KLHL20: variants seen among roughly 807,000 people sequenced by gnomAD.
KLHL20 encodes the protein kelch-like protein 20.
Under a neutral mutation model 69.5 loss-of-function variants are expected in KLHL20, and 29 were observed. The observed-to-expected ratio is 0.42, with a 90% CI of 0.31 to 0.57. The LOEUF (loss-of-function observed/expected upper bound fraction) is 0.57, where lower values mean the gene tolerates loss of function less well. Among genes scored for constraint, KLHL20 ranks in the 20% least tolerant of loss-of-function variants. KLHL20 has a pLI of 0.18. For synonymous variants in KLHL20, 253 were observed against 265.2 expected (o/e 0.95, Z 0.45); for missense variants, 419 against 776.0 (o/e 0.54, Z 5.47).
chr1:173,723,339 A>G (rs900664955), intron 2 of KLHL20, among the ~76,000 whole-genome samples: 4 of 152,228 alleles, frequency 2.6e-5, no homozygotes, highest in African/African-American at 9.6e-5. Flanking sequence ...TTAACTGCTC[A>G]GCTTTATGTT....
At chr1:173,719,246 G>C (rs1671609682) in intron 2 of KLHL20, among the ~76,000 whole-genome samples, 1 of 152,016 alleles carries the variant, frequency 6.6e-6, no homozygotes, top group African/African-American at 2.4e-5. Context: ...TATTTCAACT[G>C]TTTTGCTGTT....
At chr1:173,731,028 A>G (rs1672249095) in intron 2 of KLHL20, among the ~76,000 whole-genome samples, 1 of 151,892 alleles carries the variant, frequency 6.6e-6, no homozygotes, top group South Asian at 2.1e-4. Context: ...TTACAAGAAA[A>G]AAACAACCCC....
chr1:173,777,426 A>AC (rs1171569359), intron 10 of KLHL20, among the ~76,000 whole-genome samples: 10 of 152,082 alleles, frequency 6.6e-5, no homozygotes, highest in African/African-American at 2.4e-4. Context: ...CCATTGCTCT[A>AC]CCTAGGACTT....
intron 8 of KLHL20, among the ~76,000 whole-genome samples, chr1:173,767,402 T>C (rs1384887582): frequency 6.6e-6 from 1 of 152,198 alleles, no homozygotes; most frequent in Admixed American, 6.5e-5. Context: ...GAATATATAC[T>C]TAGTAGTGGG....
chr1:173,753,434 G>C, intron 5 of KLHL20, 127 bp downstream of exon 5: 1 of 685,062 alleles, frequency 1.5e-6, no homozygotes, highest in Non-Finnish European at 2.5e-6. Context: ...AATTTAACAA[G>C]GTTTTCTTCT....
rs1046585238 is a variant in KLHL20 at position 173,785,891 on chromosome 1, G to A, written c.*644G>A. 6.6e-5 allele frequency: 10 copies of A among 152,136 alleles called. No individual in the cohort carries two copies. Among genetic ancestry groups the A allele is most frequent in the African/African-American group, 2.2e-4 (9 of 41,508 alleles). The allele number at this position is 152,136 out of a possible 1,614,324, so 9.4% of individuals were successfully genotyped here. A position where few individuals can be genotyped will look rare whatever the true frequency, so the allele number is the denominator to read the frequency against. On this transcript the variant is annotated 3_prime_UTR_variant, in exon 12 of 12. Transcript: ENST00000209884. ...TTTTATGTCTTGTTTCTTTCTATAT[G>A]AACTTGTTTATTTAGTCTTTTTTTC...
intron 3 of KLHL20, among the ~76,000 whole-genome samples, chr1:173,746,193 A>G (rs1473706541): frequency 6.6e-6 from 1 of 152,210 alleles, no homozygotes; most frequent in Non-Finnish European, 1.5e-5. Context: ...TCTATTCGCT[A>G]ATATTCAGTA....
intron 10 of KLHL20, 42 bp downstream of exon 10, chr1:173,775,884 T>G: frequency 6.5e-7 from 1 of 1,547,742 alleles, no homozygotes; most frequent in Non-Finnish European, 8.9e-7. Context: ...AAATCTTGGC[T>G]ATTAATAGTG....
chr1:173,765,666 A>G (rs889095723), intron 7 of KLHL20, among the ~76,000 whole-genome samples: 7 of 152,210 alleles, frequency 4.6e-5, no homozygotes, highest in African/African-American at 7.2e-5. Context: ...TGTATAACAC[A>G]TATAATAGTA....
intron 2 of KLHL20, among the ~76,000 whole-genome samples, chr1:173,719,957 T>C (rs1044709162): frequency 2.0e-5 from 3 of 152,078 alleles, no homozygotes; most frequent in Admixed American, 1.3e-4. Context: ...AGAACAGATA[T>C]AATGATACAG....
At chr1:173,743,211 T>G (rs1558196475) in intron 3 of KLHL20, among the ~76,000 whole-genome samples, 1 of 151,054 alleles carries the variant, frequency 6.6e-6, no homozygotes, top group Non-Finnish European at 1.5e-5. Context: ...CAAAACAAAA[T>G]ACCACTTTTT....
intron 10 of KLHL20, among the ~76,000 whole-genome samples, chr1:173,776,397 C>A (rs931607420): frequency 3.3e-5 from 5 of 151,936 alleles, no homozygotes; most frequent in African/African-American, 1.2e-4. Context: ...TGGTTGTTTC[C>A]TTTGCTGTGC....
At chr1:173,779,620 G>A (rs140784813) in intron 10 of KLHL20, among the ~76,000 whole-genome samples, 1 of 151,846 alleles carries the variant, frequency 6.6e-6, no homozygotes, top group East Asian at 1.9e-4. Flanking sequence ...CAAAGTGCTG[G>A]GATTATAGAC....
intron 7 of KLHL20, among the ~76,000 whole-genome samples, chr1:173,763,179 A>G (rs954224373): frequency 3.3e-5 from 5 of 152,180 alleles, no homozygotes; most frequent in African/African-American, 1.2e-4. Flanking sequence ...AAAGGAGTCA[A>G]AAGACCTCAA....
Position 173,757,124 on chromosome 1 carries a change from C to A in KLHL20, c.1116C>A (p.Gly372=). The change falls in exon 7 of 12, where the codon GGC becomes GGA. Residue 372 remains glycine (G), a synonymous_variant. Transcript: ENST00000209884. ...ATGATCTGTTATATGCAGTAGGAGG[C>A]CATGATGGATCCTCTTATCTCAATA... ...VLDDLLYAVG[G]HDGSSYLNSV... 1 of 1,613,674 alleles carries A rather than the reference C, an allele frequency of 6.2e-7. No homozygotes were observed. The highest frequency in any genetic ancestry group is 8.5e-7 in the Non-Finnish European group (1 of 1,179,772).
At chr1:173,771,350 G>A (rs911428998) in intron 8 of KLHL20, among the ~76,000 whole-genome samples, 2 of 152,198 alleles carry the variant, frequency 1.3e-5, no homozygotes, top group African/African-American at 2.4e-5. Context: ...GCTGCAGTGA[G>A]CTATGATCAT....
chr1:173,785,289 G>A lies in KLHL20; in HGVS notation c.*42G>A. Reference sequence around the variant, plus strand: ...CTTGTATATATTCCTCTGTATTCTGGGGAGCTTTGACCTTGGAGCTTTGTA... The same window carrying A: ...CTTGTATATATTCCTCTGTATTCTGAGGAGCTTTGACCTTGGAGCTTTGTA... On this transcript the variant is annotated 3_prime_UTR_variant, in exon 12 of 12. Transcript: ENST00000209884. The A allele has an allele frequency of 6.9e-7, 1 of 1,440,360 alleles. No individual in the cohort carries two copies. The highest frequency in any genetic ancestry group is 9.5e-7 in the Non-Finnish European group (1 of 1,055,742). The allele number at this position is 1,440,360 out of a possible 1,614,324, so 89.2% of individuals were successfully genotyped here.
intron 3 of KLHL20, among the ~76,000 whole-genome samples, chr1:173,743,083 A>T (rs1048929481): frequency 6.7e-6 from 1 of 150,320 alleles, no homozygotes; most frequent in African/African-American, 2.5e-5. Flanking sequence ...GAAAAATACA[A>T]TGGAAAAATA....
intron 2 of KLHL20, among the ~76,000 whole-genome samples, 177 bp downstream of exon 2, chr1:173,716,243 C>T (rs1671466161): frequency 6.6e-6 from 1 of 152,062 alleles, no homozygotes; most frequent in Non-Finnish European, 1.5e-5. Flanking sequence ...GAATAAAATA[C>T]AGAAGTTGTT....
Sources: gnomAD v4.1 joint callset for allele counts (sites outside exome capture counted in the v4.1 genomes callset) on GRCh38, gnomAD v4.1.1 for gene constraint, MANE v1.5 for transcripts, NCBI Gene and HGNC (gene_info 2026-07-23, HGNC 2026-07-21) for gene names.